Variants in ATF7 observed in about 807,000 individuals in gnomAD.
ATF7 encodes the protein cyclic AMP-dependent transcription factor ATF-7.
A neutral mutation model predicts 50.4 loss-of-function variants in ATF7; 10 were observed. That is an observed-to-expected ratio of 0.20 (90% CI 0.12 to 0.34). The LOEUF is 0.34. ATF7 is among the 10% of genes least tolerant of loss of function. The pLI, the probability that ATF7 is intolerant of heterozygous loss-of-function variation, is 1.00. For synonymous variants in ATF7, 201 were observed against 226.4 expected (o/e 0.89, Z 1.01); for missense variants, 465 against 613.9 (o/e 0.76, Z 2.56).
Position 53,515,742 on chromosome 12 carries a change from C to T in ATF7, c.*1395G>A, listed in dbSNP as rs1380683787. The T allele has an allele frequency of 6.6e-6, 1 of 152,246 alleles. No homozygotes were observed. The highest frequency in any genetic ancestry group is 1.5e-5 in the Non-Finnish European group (1 of 68,070). The allele number at this position is 152,246 out of a possible 1,614,324, so 9.4% of individuals were successfully genotyped here. Reference sequence around the variant, plus strand: ...CACTTTCCCTCTCCTCTTCCTCCCTCCTTTCAATCTTATACTCAAGTAAAC... The same window carrying T: ...CACTTTCCCTCTCCTCTTCCTCCCTTCTTTCAATCTTATACTCAAGTAAAC... On this transcript the variant is annotated 3_prime_UTR_variant, in exon 12 of 12. Transcript: ENST00000420353.
At position 53,533,210 on chromosome 12, in the gene ATF7, T is replaced by A; in HGVS notation, c.610A>T (p.Thr204Ser). The A allele has an allele frequency of 6.2e-7, 1 of 1,613,900 alleles. No homozygotes were observed. The highest frequency in any genetic ancestry group is 8.5e-7 in the Non-Finnish European group (1 of 1,179,826). Residue 204 changes from threonine to serine, a missense_variant, in exon 7 of 12, where the codon ACC (threonine) becomes TCC (serine). Thr to Ser is a moderately conservative substitution (Grantham distance 58, BLOSUM62 1). Coordinates refer to ENST00000420353, the MANE Select transcript of ATF7 (RefSeq NM_006856.3). ...GGAGGCCCTGGCAACACAGGCATGGTCTGTCCATTAGCAAGATGCATGACA... is the reference window on the plus strand; with the variant it reads ...GGAGGCCCTGGCAACACAGGCATGGACTGTCCATTAGCAAGATGCATGACA... ...PLVMHLANGQ[T>S]MPVLPGPPVQ...
intron 1 of ATF7, among the ~76,000 whole-genome samples, chr12:53,609,558 A>T (rs1382601525): frequency 6.6e-6 from 1 of 151,448 alleles, no homozygotes; most frequent in Non-Finnish European, 1.5e-5. Context: ...AGATGAGAGG[A>T]TCCCTTGAGC....
intron 3 of ATF7, among the ~76,000 whole-genome samples, chr12:53,547,047 T>C (rs1347959830): frequency 6.8e-6 from 1 of 146,280 alleles, no homozygotes; most frequent in Non-Finnish European, 1.5e-5. Flanking sequence ...TGCAGTGGCA[T>C]GATCTTGGCT....
intron 11 of ATF7, among the ~76,000 whole-genome samples, chr12:53,518,606 A>G (rs937096231): frequency 6.6e-6 from 1 of 152,254 alleles, no homozygotes; most frequent in Non-Finnish European, 1.5e-5. Flanking sequence ...TACAGGTATG[A>G]GTCATCACAC....
intron 1 of ATF7, among the ~76,000 whole-genome samples, chr12:53,618,959 T>C (rs1944262343): frequency 6.8e-6 from 1 of 146,662 alleles, no homozygotes; most frequent in Non-Finnish European, 1.5e-5. Flanking sequence ...GGCTGAGGCA[T>C]GAGAATTGCT....
intron 2 of ATF7, among the ~76,000 whole-genome samples, chr12:53,600,113 T>C (rs1943330004): frequency 6.6e-6 from 1 of 152,198 alleles, no homozygotes; most frequent in African/African-American, 2.4e-5. Context: ...CTGTGAGATC[T>C]CAAGTTCTCT....
At chr12:53,584,548 AC>A (rs547921379) in intron 2 of ATF7, among the ~76,000 whole-genome samples, 67 of 152,340 alleles carry the variant, frequency 4.4e-4, no homozygotes, top group African/African-American at 1.6e-3. Flanking sequence ...ACCCAAATGA[AC>A]AGAAAACTTA....
chr12:53,580,392 C>T (rs1266626245), intron 2 of ATF7, among the ~76,000 whole-genome samples: 4 of 150,758 alleles, frequency 2.7e-5, no homozygotes, highest in South Asian at 2.1e-4. Flanking sequence ...AGGCCGGGTG[C>T]GGTGGCTCAC....
intron 1 of ATF7, among the ~76,000 whole-genome samples, chr12:53,621,788 CAAAAA>C (rs559780353): frequency 3.4e-4 from 28 of 81,532 alleles, no homozygotes; most frequent in Non-Finnish European, 5.7e-4. Context: ...GACTCTGTCT[CAAAAA>C]AAAAAAAAAA....
rs1944169576 is a variant in ATF7 at position 53,512,830 on chromosome 12, C to T, written c.*4307G>A. ...AGATGTATTTGAAATATCCTCCACACCTGTAAAAATTTCCCAGCTTATCCC... is the reference window on the plus strand; with the variant it reads ...AGATGTATTTGAAATATCCTCCACATCTGTAAAAATTTCCCAGCTTATCCC... On this transcript the variant is annotated 3_prime_UTR_variant, in exon 12 of 12. Coordinates refer to ENST00000420353, the MANE Select transcript of ATF7 (RefSeq NM_006856.3). The T allele has an allele frequency of 1.3e-5, 2 of 152,186 alleles. No homozygotes were observed. Among genetic ancestry groups the T allele is most frequent in the African/African-American group, 4.8e-5 (2 of 41,436 alleles). The allele number at this position is 152,186 out of a possible 1,614,324, so 9.4% of individuals were successfully genotyped here.
intron 1 of ATF7, among the ~76,000 whole-genome samples, chr12:53,619,500 A>AG (rs1416203484): frequency 1.9e-4 from 29 of 150,572 alleles, no homozygotes; most frequent in Non-Finnish European, 4.1e-4. Context: ...AAAAAAAAAA[A>AG]AAAGAAAAAA....
chr12:53,508,754 T>C (rs925591619), downstream of ATF7, among the ~76,000 whole-genome samples: 3 of 152,080 alleles, frequency 2.0e-5, no homozygotes, highest in African/African-American at 4.8e-5. Flanking sequence ...CAGCTCCTCA[T>C]TGCCAGCTCC....
intron 2 of ATF7, among the ~76,000 whole-genome samples, chr12:53,566,529 A>T (rs542948818): frequency 6.6e-6 from 1 of 152,298 alleles, no homozygotes; most frequent in African/African-American, 2.4e-5. Flanking sequence ...TTGTCTCCTT[A>T]TAAAAGGGAA....
chr12:53,601,335 T>G (rs571070218), intron 1 of ATF7, among the ~76,000 whole-genome samples: 1 of 152,300 alleles, frequency 6.6e-6, no homozygotes, highest in East Asian at 1.9e-4. Context: ...ACTAGTGCAG[T>G]TCCTTATGTC....
intron 4 of ATF7, among the ~76,000 whole-genome samples, chr12:53,539,999 G>C (rs1403174819): frequency 6.6e-6 from 1 of 151,914 alleles, no homozygotes; most frequent in Non-Finnish European, 1.5e-5. Flanking sequence ...GAGCCTGGGA[G>C]TTTGAGGTTG....
intron 2 of ATF7, among the ~76,000 whole-genome samples, chr12:53,571,894 C>T (rs892485253): frequency 2.0e-5 from 3 of 152,188 alleles, no homozygotes; most frequent in East Asian, 3.9e-4. Context: ...TGGCGAAACC[C>T]GGTCTCTACT....
chr12:53,546,886 T>C (rs1303844260), intron 3 of ATF7, among the ~76,000 whole-genome samples: 1 of 151,934 alleles, frequency 6.6e-6, no homozygotes, highest in Non-Finnish European at 1.5e-5. Context: ...GCCTCCCAAG[T>C]AGCTGGGACC....
intron 2 of ATF7, among the ~76,000 whole-genome samples, chr12:53,597,488 G>A (rs2137805029): frequency 6.6e-6 from 1 of 152,256 alleles, no homozygotes; most frequent in Admixed American, 6.5e-5. Context: ...TTGACATAAT[G>A]CAAGGTTCCT....
chr12:53,547,283 C>CT (rs34610513), intron 3 of ATF7, among the ~76,000 whole-genome samples: 14,340 of 62,652 alleles, frequency 0.23, 2,651 homozygotes, highest in East Asian at 0.68. Context: ...CGTGCCCAGC[C>CT]TTTTTTTTTT....
Sources: allele counts gnomAD v4.1 joint callset (sites outside exome capture counted in the v4.1 genomes callset), GRCh38; gene constraint gnomAD v4.1.1; transcripts MANE v1.5; gene names NCBI Gene and HGNC (gene_info 2026-07-23, HGNC 2026-07-21).